The following LRRC37A2 variants were observed in gnomAD, a reference collection of about 807,000 sequenced individuals.
The protein encoded by LRRC37A2 is leucine rich repeat containing 37 member A2.
In LRRC37A2, 9 loss-of-function variants were observed where a neutral mutation model predicts 68.8. The observed-to-expected ratio is 0.13, with a 90% CI of 0.08 to 0.23. The LOEUF (loss-of-function observed/expected upper bound fraction) is 0.23. LRRC37A2 is among the 10% of genes least tolerant of loss of function. The pLI is 1.00. For missense variants in LRRC37A2, 168 were observed against 950.4 expected, an observed-to-expected ratio of 0.18 and a Z score of 10.82; for synonymous variants, 63 against 367.6, an observed-to-expected ratio of 0.17 and a Z score of 9.48.
chr17:46,497,422 T>A, the LRRC37A2 span, among the ~76,000 whole-genome samples: 1 of 145,144 alleles, frequency 6.9e-6, no homozygotes, highest in Non-Finnish European at 1.5e-5. Flanking sequence ...TTTTTTAGTG[T>A]TATGTTTTAT....
At chr17:46,854,688 G>A in the LRRC37A2 span, among the ~76,000 whole-genome samples, 1 of 152,064 alleles carries the variant, frequency 6.6e-6, no homozygotes, top group Non-Finnish European at 1.5e-5. Flanking sequence ...TTGAGATGGA[G>A]TCTTGCTGTG....
chr17:46,529,534 G>A (rs1040150049), intron 6 of LRRC37A2, among the ~76,000 whole-genome samples: 1 of 101,476 alleles, frequency 9.9e-6, no homozygotes, highest in African/African-American at 3.3e-5. Context: ...AAGGCTGGGC[G>A]CGCTGGCTCA....
chr17:46,530,200 T>C (rs1196925222), intron 6 of LRRC37A2, among the ~76,000 whole-genome samples: 1 of 131,966 alleles, frequency 7.6e-6, no homozygotes, highest in South Asian at 2.5e-4. Context: ...CCTACATTCA[T>C]TTTTAATAGC....
the LRRC37A2 span, among the ~76,000 whole-genome samples, chr17:46,729,538 G>A: frequency 7.7e-5 from 1 of 13,050 alleles, no homozygotes; most frequent in African/African-American, 1.3e-4. Context: ...ACCTATGAAG[G>A]TTGGTTAAAT....
the LRRC37A2 span, among the ~76,000 whole-genome samples, chr17:46,990,458 C>T: frequency 6.6e-6 from 1 of 152,120 alleles, no homozygotes; most frequent in Admixed American, 6.6e-5. Context: ...CTTTGTTGAG[C>T]ATGTACAATG....
At position 46,542,514 on chromosome 17, in the gene LRRC37A2, GAT is replaced by G. The variant is rs574096941; in HGVS notation, c.3053+1643_3053+1644del. On this transcript the variant is annotated intron_variant, in intron 8 of 14. Transcript: ENST00000576629. The stretch of plus-strand genomic sequence containing the variant: ...ACACCGTGCCTGGCCTTCTTTGCAG[GAT>G]ATATATATAGATATAGATATATATA... Among the ~76,000 whole-genome samples, 5 of 146,278 alleles carry G rather than the reference GAT, an allele frequency of 3.4e-5. No individual in the cohort carries two copies. In the South Asian group the frequency reaches 6.3e-4, roughly 18 times the overall value.
the LRRC37A2 span, among the ~76,000 whole-genome samples, chr17:47,009,424 A>ATC: frequency 6.6e-6 from 1 of 152,178 alleles, no homozygotes; most frequent in Admixed American, 6.5e-5. Context: ...ATGGATAGGA[A>ATC]TCTACCCAGA....
the LRRC37A2 span, chr17:46,872,805 T>TG: frequency 9.2e-7 from 1 of 1,089,668 alleles, no homozygotes; most frequent in Non-Finnish European, 1.3e-6. Flanking sequence ...CGGGGAGGGC[T>TG]GGGGGAAGAA....
the LRRC37A2 span, chr17:46,713,186 A>G: frequency 3.3e-5 from 5 of 152,348 alleles, no homozygotes; most frequent in Non-Finnish European, 7.3e-5. Flanking sequence ...AGAACATGCT[A>G]AAACACTTTT....
chr17:46,835,669 C>G, the LRRC37A2 span, among the ~76,000 whole-genome samples: 3 of 152,236 alleles, frequency 2.0e-5, no homozygotes, highest in African/African-American at 7.2e-5. Flanking sequence ...CAGCAGTTGC[C>G]AAGATTTGTC....
At chr17:47,026,663 A>G in the LRRC37A2 span, among the ~76,000 whole-genome samples, 2 of 152,250 alleles carry the variant, frequency 1.3e-5, no homozygotes, top group Admixed American at 1.3e-4. Flanking sequence ...GACAAACTCC[A>G]TCACTGTATA....
the LRRC37A2 span, among the ~76,000 whole-genome samples, chr17:47,001,634 T>C: frequency 6.6e-6 from 1 of 151,796 alleles, no homozygotes; most frequent in Non-Finnish European, 1.5e-5. Context: ...TGTTGCCCCT[T>C]GGTGATCCTG....
chr17:47,035,238 T>C, the LRRC37A2 span: 2 of 152,224 alleles, frequency 1.3e-5, no homozygotes, highest in African/African-American at 2.4e-5. Context: ...CTCAAGGTTG[T>C]ATAGCAAACA....
the LRRC37A2 span, chr17:46,872,484 G>C: frequency 5.5e-6 from 8 of 1,458,928 alleles, no homozygotes; most frequent in South Asian, 1.2e-4. Flanking sequence ...CATCCCCAAG[G>C]CTCACCTGTC....
the LRRC37A2 span, among the ~76,000 whole-genome samples, chr17:47,012,723 A>G: frequency 6.8e-3 from 1,041 of 152,338 alleles, 8 homozygotes; most frequent in African/African-American, 0.024. Context: ...AAGACAGACA[A>G]TAACAAATAT....
the LRRC37A2 span, among the ~76,000 whole-genome samples, chr17:46,707,304 G>A: frequency 6.6e-6 from 1 of 152,120 alleles, no homozygotes; most frequent in African/African-American, 2.4e-5. Context: ...TCTTTTGCCT[G>A]TTTTTCTGTT....
At chr17:46,978,212 C>T in the LRRC37A2 span, 1 of 191,898 alleles carries the variant, frequency 5.2e-6, no homozygotes, top group Non-Finnish European at 1.0e-5. Context: ...TCTTTCCAAA[C>T]GCAAGATCAG....
the LRRC37A2 span, among the ~76,000 whole-genome samples, chr17:46,878,040 A>T: frequency 6.6e-6 from 1 of 152,220 alleles, no homozygotes; most frequent in Non-Finnish European, 1.5e-5. Context: ...ACAGGCACAC[A>T]TGGATGCACA....
the LRRC37A2 span, chr17:46,764,132 G>T: frequency 3.9e-5 from 6 of 152,316 alleles, no homozygotes; most frequent in East Asian, 1.9e-4. Context: ...GAATGGGAGT[G>T]GACCAAGAAA....
Sources: allele counts gnomAD v4.1 joint callset (sites outside exome capture counted in the v4.1 genomes callset), GRCh38; gene constraint gnomAD v4.1.1; transcripts MANE v1.5; gene names NCBI Gene and HGNC (gene_info 2026-07-23, HGNC 2026-07-21).